Variants in BMAL2 observed in about 807,000 individuals in gnomAD.
BMAL2 encodes basic helix-loop-helix ARNT like 2.
the BMAL2 span, among the ~76,000 whole-genome samples, chr12:27,391,048 T>C: frequency 6.6e-6 from 1 of 152,336 alleles, no homozygotes; most frequent in East Asian, 1.9e-4. Flanking sequence ...TTAATCCTCA[T>C]GAAAACACTA....
At chr12:27,387,171 CGT>C in the BMAL2 span, 1 of 1,030,328 alleles carries the variant, frequency 9.7e-7, no homozygotes, top group Non-Finnish European at 1.5e-6. Context: ...TGTGTGTGTG[CGT>C]GTGTATAAGA....
At chr12:27,360,985 T>A in the BMAL2 span, among the ~76,000 whole-genome samples, 1 of 152,198 alleles carries the variant, frequency 6.6e-6, no homozygotes, top group East Asian at 1.9e-4. Flanking sequence ...TACAAGATAA[T>A]GAAAATTTAC....
the BMAL2 span, among the ~76,000 whole-genome samples, chr12:27,355,152 A>G: frequency 6.6e-6 from 1 of 151,942 alleles, no homozygotes; most frequent in African/African-American, 2.4e-5. Context: ...TTTTCTGTTT[A>G]TTGCACTCTC....
the BMAL2 span, among the ~76,000 whole-genome samples, chr12:27,396,874 A>C: frequency 2.0e-5 from 3 of 150,298 alleles, no homozygotes; most frequent in Admixed American, 2.0e-4. Context: ...GGGCCAGGAT[A>C]AGGTTACTGC....
At chr12:27,388,098 T>C in the BMAL2 span, among the ~76,000 whole-genome samples, 1 of 144,360 alleles carries the variant, frequency 6.9e-6, no homozygotes, top group African/African-American at 2.9e-5. Flanking sequence ...CACACACACA[T>C]GCACGCACAC....
chr12:27,393,799 A>T, the BMAL2 span, among the ~76,000 whole-genome samples: 132 of 152,320 alleles, frequency 8.7e-4, no homozygotes, highest in Middle Eastern at 0.017. Flanking sequence ...GCTGTAGTGG[A>T]CCTTATGTGA....
the BMAL2 span, chr12:27,401,606 A>G: frequency 1.6e-5 from 25 of 1,611,856 alleles, no homozygotes; most frequent in Middle Eastern, 1.7e-4. Flanking sequence ...TAAAAAGCCA[A>G]TGGTTTAGTT....
the BMAL2 span, among the ~76,000 whole-genome samples, chr12:27,403,928 C>T: frequency 8.6e-5 from 13 of 150,804 alleles, no homozygotes; most frequent in African/African-American, 2.2e-4. Context: ...TTGGGGAGGC[C>T]GAGGCAGATG....
chr12:27,335,889 A>G, the BMAL2 span, among the ~76,000 whole-genome samples: 2,388 of 152,272 alleles, frequency 0.016, 54 homozygotes, highest in African/African-American at 0.054. Context: ...TTTAAAATAT[A>G]TAGGGAAAGC....
At chr12:27,404,823 G>A in the BMAL2 span, among the ~76,000 whole-genome samples, 33 of 152,210 alleles carry the variant, frequency 2.2e-4, no homozygotes, top group Admixed American at 1.9e-3. Context: ...CCCGGAAAGC[G>A]CAAGGGGTCA....
chr12:27,341,671 T>C, the BMAL2 span, among the ~76,000 whole-genome samples: 2 of 152,214 alleles, frequency 1.3e-5, no homozygotes, highest in South Asian at 2.1e-4. Context: ...TCCCCATCAC[T>C]CTGTGCCCTT....
At chr12:27,347,207 C>A in the BMAL2 span, among the ~76,000 whole-genome samples, 2 of 152,188 alleles carry the variant, frequency 1.3e-5, no homozygotes, top group African/African-American at 4.8e-5. Context: ...GAGATAAACC[C>A]AACATCTTTG....
At chr12:27,412,696 AACAC>A in the BMAL2 span, among the ~76,000 whole-genome samples, 1 of 149,894 alleles carries the variant, frequency 6.7e-6, no homozygotes, top group East Asian at 1.9e-4. Context: ...TTAAAAACAA[AACAC>A]ACACACACAC....
chr12:27,401,257 G>A, the BMAL2 span: 3 of 1,613,028 alleles, frequency 1.9e-6, no homozygotes, highest in Non-Finnish European at 1.7e-6. Flanking sequence ...TTGAAACCAG[G>A]GCAACAGCGA....
At chr12:27,392,654 A>G in the BMAL2 span, among the ~76,000 whole-genome samples, 2 of 125,532 alleles carry the variant, frequency 1.6e-5, no homozygotes, top group African/African-American at 6.0e-5. Flanking sequence ...TTTGTAAATC[A>G]CCGAATCTAC....
chr12:27,402,749 G>T, the BMAL2 span: 1 of 1,369,186 alleles, frequency 7.3e-7, no homozygotes, highest in Non-Finnish European at 1.0e-6. Flanking sequence ...ATCTTTTTCT[G>T]TCCTGGAGAG....
chr12:27,348,085 A>G, the BMAL2 span, among the ~76,000 whole-genome samples: 3 of 152,292 alleles, frequency 2.0e-5, no homozygotes, highest in African/African-American at 4.8e-5. Context: ...TTACTCCCAG[A>G]CTATTTACCC....
chr12:27,405,081 A>C, the BMAL2 span, among the ~76,000 whole-genome samples: 1 of 152,208 alleles, frequency 6.6e-6, no homozygotes, highest in South Asian at 2.1e-4. Flanking sequence ...AGGCTTGAGT[A>C]GGTAAACAAA....
At chr12:27,372,230 C>CAAAAA in the BMAL2 span, among the ~76,000 whole-genome samples, 4 of 124,838 alleles carry the variant, frequency 3.2e-5, no homozygotes, top group Non-Finnish European at 3.3e-5. Context: ...GACTCTATCT[C>CAAAAA]AAAAAAAAAA....
Sources: gnomAD v4.1 joint callset for allele counts (sites outside exome capture counted in the v4.1 genomes callset) on GRCh38, gnomAD v4.1.1 for gene constraint, MANE v1.5 for transcripts, NCBI Gene and HGNC (gene_info 2026-07-23, HGNC 2026-07-21) for gene names.